PITHD1: variants seen among roughly 807,000 people sequenced by gnomAD.
PITHD1 encodes the protein PITH domain containing 1, also known as PITH domain-containing protein 1.
Under a neutral mutation model 27.5 loss-of-function variants are expected in PITHD1, and 8 were observed. The observed-to-expected ratio is 0.29, with a 90% CI of 0.17 to 0.52. The LOEUF is 0.52. Ranked by LOEUF, PITHD1 falls within the 20% of genes least tolerant of loss-of-function variation. PITHD1 has a pLI of 0.96. For synonymous variants in PITHD1, 118 were observed against 106.8 expected (o/e 1.10, Z -0.64); for missense variants, 233 against 283.9 (o/e 0.82, Z 1.29).
chr1:23,784,345 A>G (rs1389017442), intron 3 of PITHD1, among the ~76,000 whole-genome samples: 1 of 137,978 alleles, frequency 7.2e-6, no homozygotes, highest in East Asian at 2.2e-4. Flanking sequence ...GGTTCATGCC[A>G]TTCTCCTGCC....
At position 23,779,930 on chromosome 1, in the gene PITHD1, T is replaced by C. The variant is rs146474771; in HGVS notation, c.309T>C (p.Ser103=). The part of the protein sequence containing the change: ...IMGEDDDSHP[S]EMRLYKNIPQ... ...GAGAGGATGATGACTCACACCCCTC[T>C]GAGATGAGACTGTAAGTGGCAAAGG... Residue 103 remains serine, a synonymous_variant, in exon 3 of 6, where the codon TCT becomes TCC. Transcript: ENST00000246151. The C allele has an allele frequency of 2.3e-4, 374 of 1,609,452 alleles. No homozygotes were observed. The highest frequency in any genetic ancestry group is 3.3e-4 in the Middle Eastern group (2 of 6,074).
chr1:23,784,234 CTTT>C (rs774484769), intron 3 of PITHD1, among the ~76,000 whole-genome samples: 5 of 81,446 alleles, frequency 6.1e-5, no homozygotes, highest in East Asian at 8.0e-4. Flanking sequence ...CATTTGCTTT[CTTT>C]TTTTTTTTTT....
chr1:23,785,802 A>C (rs370576802), intron 4 of PITHD1, 23 bp downstream of exon 4: 1 of 1,298,362 alleles, frequency 7.7e-7, no homozygotes, highest in African/African-American at 1.5e-5. Context: ...CCTGTCTTCC[A>C]TTCTCTATGG....
Position 23,779,887 on chromosome 1 carries a change from A to T in PITHD1, c.266A>T (p.Lys89Ile). The change falls in exon 3 of 6, where the codon AAA becomes ATA. Residue 89 changes from lysine (K) to isoleucine (I), a missense_variant. Coordinates refer to ENST00000246151, the MANE Select transcript of PITHD1 (RefSeq NM_020362.5). Reference protein sequence around the residue: ...NIPFTGNVKLKGIIIMGEDDD... With the variant: ...NIPFTGNVKLIGIIIMGEDDD... Reference sequence around the variant, plus strand: ...AGATTTACGGGCAATGTCAAGCTCAAAGGCATCATTATAATGGGAGAGGAT... The same window carrying T: ...AGATTTACGGGCAATGTCAAGCTCATAGGCATCATTATAATGGGAGAGGAT... The T allele has an allele frequency of 6.2e-7, 1 of 1,613,778 alleles. No homozygotes were observed. The highest frequency in any genetic ancestry group is 8.5e-7 in the Non-Finnish European group (1 of 1,179,696).
chr1:23,783,315 G>A (rs569885681), intron 3 of PITHD1, among the ~76,000 whole-genome samples: 63 of 146,290 alleles, frequency 4.3e-4, no homozygotes, highest in African/African-American at 1.4e-3. Context: ...ACATATATAC[G>A]CATATATATA....
At chr1:23,779,032 C>T (rs1638555467) in intron 1 of PITHD1, among the ~76,000 whole-genome samples, 1 of 152,130 alleles carries the variant, frequency 6.6e-6, no homozygotes, top group Admixed American at 6.6e-5. Flanking sequence ...CATCATATTA[C>T]CTGGTGAAGA....
At position 23,779,869 on chromosome 1, in the gene PITHD1, C is replaced by T. The variant is rs762513868; in HGVS notation, c.248C>T (p.Thr83Met). ...TCTCTTTTGCATTCTGGCAGATTTA[C>T]GGGCAATGTCAAGCTCAAAGGCATC... ...DEELLFNIPF[T>M]GNVKLKGIII... is the part of the protein sequence containing the mutation. Residue 83 changes from threonine to methionine, a missense_variant, in exon 3 of 6, where the codon ACG (threonine) becomes ATG (methionine). Transcript: ENST00000246151. The T allele has an allele frequency of 8.1e-6, 13 of 1,611,952 alleles. No individual in the cohort carries two copies. Among genetic ancestry groups the T allele is most frequent in the African/African-American group, 8.0e-5 (6 of 74,830 alleles).
At chr1:23,784,234 C>CTTTTTTTTTTT (rs774484769) in intron 3 of PITHD1, among the ~76,000 whole-genome samples, 57 of 81,438 alleles carry the variant, frequency 7.0e-4, no homozygotes, top group South Asian at 9.8e-4. Flanking sequence ...CATTTGCTTT[C>CTTTTTTTTTTT]TTTTTTTTTT....
At chr1:23,781,017 G>A (rs1010191062) in intron 3 of PITHD1, among the ~76,000 whole-genome samples, 3 of 151,568 alleles carry the variant, frequency 2.0e-5, no homozygotes, top group Non-Finnish European at 2.9e-5. Context: ...CTGAAACCCC[G>A]TCTCTACTAA....
rs1449030654 is a variant in PITHD1 at position 23,778,470 on chromosome 1, G to C, written c.-46G>C. On this transcript the variant is annotated 5_prime_UTR_variant, in exon 1 of 6. Transcript: ENST00000246151. ...TGGTCTGAGGCGAGCCGAGCCGAGC[G>C]AGCGCGGCGGTGGGGCCGAGAGGAC... The C allele has an allele frequency of 7.8e-7, 1 of 1,288,108 alleles. No homozygotes were observed. The highest frequency in any genetic ancestry group is 9.9e-7 in the Non-Finnish European group (1 of 1,008,710). 79.8% of individuals were successfully genotyped at this position (1,288,108 alleles called of 1,614,324 possible).
At chr1:23,784,381 C>T (rs1638654270) in intron 3 of PITHD1, among the ~76,000 whole-genome samples, 1 of 151,770 alleles carries the variant, frequency 6.6e-6, no homozygotes, top group Non-Finnish European at 1.5e-5. Context: ...GCTGGGACTA[C>T]AGGCGCCTGC....
chr1:23,785,164 A>G (rs1638664350), intron 3 of PITHD1: 1 of 153,142 alleles, frequency 6.5e-6, no homozygotes. Flanking sequence ...CCATGGGGTT[A>G]TGTTGCAGAT....
rs1638548566 is a variant in PITHD1 at position 23,778,714 on chromosome 1, G to T, written c.198+1G>T. The T allele has an allele frequency of 6.2e-6, 8 of 1,280,824 alleles. No individual in the cohort carries two copies. Among genetic ancestry groups the T allele is most frequent in the Non-Finnish European group, 6.9e-6 (7 of 1,013,726 alleles). The allele number at this position is 1,280,824 out of a possible 1,614,324, so 79.3% of individuals were successfully genotyped here. On this transcript the variant is annotated splice_donor_variant, in intron 1 of 5. Coordinates refer to ENST00000246151, the MANE Select transcript of PITHD1 (RefSeq NM_020362.5). LOFTEE classifies it high-confidence loss of function. Reference sequence around the variant, plus strand: ...GGAGGAGCGGACCGACCGCTCCAAGGTGGGCCGCCTGGGGCTTGGGGCGGG... The same window carrying T: ...GGAGGAGCGGACCGACCGCTCCAAGTTGGGCCGCCTGGGGCTTGGGGCGGG...
At position 23,778,418 on chromosome 1, in the gene PITHD1, A is replaced by C. The variant is rs1044738958; in HGVS notation, c.-98A>C. ...ACGACGCGGCAGGCGCGGCGCGCTT[A>C]GTTGCCGGAGCTGAACGGCGCGGAG... On this transcript the variant is annotated 5_prime_UTR_variant, in exon 1 of 6. Transcript: ENST00000246151. 118 of 601,122 alleles carry C rather than the reference A, an allele frequency of 2.0e-4. No individual in the cohort carries two copies. Among genetic ancestry groups the C allele is most frequent in the Non-Finnish European group, 2.4e-4 (115 of 477,598 alleles). The allele number at this position is 601,122 out of a possible 1,614,324, so 37.2% of individuals were successfully genotyped here. A position where few individuals can be genotyped will look rare whatever the true frequency, so the allele number is the denominator to read the frequency against.
intron 3 of PITHD1, among the ~76,000 whole-genome samples, 153 bp downstream of exon 3, chr1:23,780,094 A>G (rs755819777): frequency 6.6e-5 from 10 of 152,178 alleles, no homozygotes; most frequent in Non-Finnish European, 1.3e-4. Flanking sequence ...ATTGGAATAC[A>G]TATATTTCTT....
chr1:23,779,528 A>G, intron 2 of PITHD1, 47 bp downstream of exon 2: 3 of 1,403,332 alleles, frequency 2.1e-6, no homozygotes, highest in Non-Finnish European at 3.0e-6. Context: ...GGCTGTACCC[A>G]GTTGCCTCAG....
intron 3 of PITHD1, among the ~76,000 whole-genome samples, chr1:23,783,142 G>A (rs1638626985): frequency 6.7e-6 from 1 of 149,714 alleles, no homozygotes; most frequent in African/African-American, 2.5e-5. Flanking sequence ...GACTACAGGT[G>A]CCCGCCACCA....
Position 23,787,429 on chromosome 1 carries a change from C to T in PITHD1, c.*53C>T. On this transcript the variant is annotated 3_prime_UTR_variant, in exon 6 of 6. Transcript: ENST00000246151. ...CTGTGTCAGTGAAGATGTACGACTACCTGTTGGGAAGGACAAAGGGATGAG... is the reference window on the plus strand; with the variant it reads ...CTGTGTCAGTGAAGATGTACGACTATCTGTTGGGAAGGACAAAGGGATGAG... 1 of 1,028,584 alleles carries T rather than the reference C, an allele frequency of 9.7e-7. No individual in the cohort carries two copies. The highest frequency in any genetic ancestry group is 1.5e-6 in the Non-Finnish European group (1 of 654,624). 63.7% of individuals were successfully genotyped at this position (1,028,584 alleles called of 1,614,324 possible). A position where few individuals can be genotyped will look rare whatever the true frequency, so the allele number is the denominator to read the frequency against.
intron 1 of PITHD1, among the ~76,000 whole-genome samples, chr1:23,779,181 T>C (rs1392828255): frequency 1.3e-5 from 2 of 152,190 alleles, no homozygotes; most frequent in Non-Finnish European, 2.9e-5. Flanking sequence ...TGCCTTTCAG[T>C]TCACACTTCA....
Sources: allele counts gnomAD v4.1 joint callset (sites outside exome capture counted in the v4.1 genomes callset), GRCh38; gene constraint gnomAD v4.1.1; transcripts MANE v1.5; gene names NCBI Gene and HGNC (gene_info 2026-07-23, HGNC 2026-07-21).